Variants in CTIF observed in about 807,000 individuals in gnomAD.
CTIF encodes CBP80/20-dependent translation initiation factor.
Under a neutral mutation model 66.0 loss-of-function variants are expected in CTIF, and 21 were observed. The observed-to-expected ratio is 0.32, with a 90% CI of 0.23 to 0.46. The LOEUF is 0.46. Among genes scored for constraint, CTIF ranks in the 20% least tolerant of loss-of-function variants. The probability of loss-of-function intolerance (pLI) is 1.00; values close to 1 mark genes in which losing one functional copy is unlikely to be tolerated. For synonymous variants in CTIF, 345 were observed against 326.4 expected (o/e 1.06, Z -0.62); for missense variants, 739 against 812.7 (o/e 0.91, Z 1.10).
chr18:48,587,681 A>C (rs1215079803), intron 1 of CTIF, among the ~76,000 whole-genome samples: 1 of 152,210 alleles, frequency 6.6e-6, no homozygotes, highest in Admixed American at 6.5e-5. Context: ...GTAAACTTCC[A>C]GGTCATTCTC....
chr18:48,660,270 G>A (rs981714994), intron 3 of CTIF, among the ~76,000 whole-genome samples: 1 of 151,254 alleles, frequency 6.6e-6, no homozygotes, highest in Non-Finnish European at 1.5e-5. Context: ...TGTTGGTTGC[G>A]TGACTGCCAT....
At chr18:48,562,157 A>G (rs1385357556) in intron 1 of CTIF, among the ~76,000 whole-genome samples, 1 of 152,266 alleles carries the variant, frequency 6.6e-6, no homozygotes, top group African/African-American at 2.4e-5. Flanking sequence ...AATAAAAGCA[A>G]TTCTCACAGC....
chr18:48,711,712 C>A lies in CTIF; in HGVS notation c.584+17C>A. On this transcript the variant is annotated intron_variant, in intron 7 of 11. Coordinates refer to ENST00000256413, the MANE Select transcript of CTIF (RefSeq NM_014772.3). ...TGATCGAAGGTAGGAGAGACTTCGT[C>A]GTGAGCTTTGGGTTTTCCTTTCCTG... The A allele has an allele frequency of 6.2e-7, 1 of 1,608,868 alleles. No individual in the cohort carries two copies. The highest frequency in any genetic ancestry group is 1.1e-5 in the South Asian group (1 of 90,926).
intron 3 of CTIF, among the ~76,000 whole-genome samples, chr18:48,654,804 A>G (rs894873941): frequency 4.6e-5 from 7 of 152,204 alleles, no homozygotes; most frequent in African/African-American, 1.7e-4. Context: ...ATAAAAAAGG[A>G]TGAGTTCATG....
At position 48,677,076 on chromosome 18, in the gene CTIF, GAGA is replaced by G. The variant is rs542673844; in HGVS notation, c.507+6335_507+6337del. ...TAGCCGGGTTCCCAGACCTCCAGAT[GAGA>G]AGGAGTAACTTTATTGTTCCCTAGG... On this transcript the variant is annotated intron_variant, in intron 6 of 11. Transcript: ENST00000256413. Among the ~76,000 whole-genome samples the G allele has an allele frequency of 6.6e-5, 10 of 152,296 alleles. No homozygotes were observed. In the East Asian group the frequency reaches 1.9e-3, roughly 29 times the overall value.
chr18:48,730,125 G>C (rs1310225497), intron 7 of CTIF, among the ~76,000 whole-genome samples: 1 of 152,212 alleles, frequency 6.6e-6, no homozygotes, highest in African/African-American at 2.4e-5. Flanking sequence ...CAGTTCTGCA[G>C]TCATATTGGC....
At chr18:48,556,666 G>A (rs1174629897) in intron 1 of CTIF, among the ~76,000 whole-genome samples, 1 of 152,182 alleles carries the variant, frequency 6.6e-6, no homozygotes, top group African/African-American at 2.4e-5. Context: ...CCAGGTTCAA[G>A]CGATTCTTGT....
chr18:48,663,867 C>T (rs770998796), intron 4 of CTIF, 42 bp downstream of exon 4: 25 of 1,573,300 alleles, frequency 1.6e-5, no homozygotes, highest in Non-Finnish European at 2.1e-5. Flanking sequence ...TGAGGTCCAG[C>T]CGGGGAAACT....
At chr18:48,743,182 C>T (rs914248520) in intron 7 of CTIF, among the ~76,000 whole-genome samples, 53 of 152,300 alleles carry the variant, frequency 3.5e-4, no homozygotes, top group African/African-American at 1.2e-3. Flanking sequence ...TCAGAGTTCT[C>T]GTGTGGCAGC....
chr18:48,768,222 G>GGGA (rs1909758967), intron 9 of CTIF, among the ~76,000 whole-genome samples: 1 of 152,172 alleles, frequency 6.6e-6, no homozygotes, highest in South Asian at 2.1e-4. Context: ...TACATAGGAA[G>GGGA]GGAGGAGGGA....
chr18:48,802,199 C>T (rs1241158009), intron 9 of CTIF, among the ~76,000 whole-genome samples: 1 of 152,210 alleles, frequency 6.6e-6, no homozygotes, highest in African/African-American at 2.4e-5. Context: ...TTGCGGTTGG[C>T]CTGCTCCTCA....
intron 9 of CTIF, 151 bp from the exon 10 acceptor site, chr18:48,817,070 T>C: frequency 1.4e-6 from 1 of 714,232 alleles, no homozygotes; most frequent in Non-Finnish European, 2.3e-6. Flanking sequence ...CCACAGAGAG[T>C]GCAATCACGC....
At chr18:48,608,995 G>A (rs2090257888) in intron 1 of CTIF, among the ~76,000 whole-genome samples, 1 of 152,218 alleles carries the variant, frequency 6.6e-6, no homozygotes, top group African/African-American at 2.4e-5. Context: ...GGGCACTATT[G>A]GTTTCCCTTC....
At chr18:48,640,651 G>A (rs299722) in intron 3 of CTIF, among the ~76,000 whole-genome samples, 43,140 of 152,140 alleles carry the variant, frequency 0.28, 7,557 homozygotes, top group African/African-American at 0.49. Flanking sequence ...TGTCCAGGAA[G>A]GTAGAGTTGG....
At position 48,746,683 on chromosome 18, in the gene CTIF, T is replaced by C. The variant is rs150348179; in HGVS notation, c.585-11236T>C. On this transcript the variant is annotated intron_variant, in intron 7 of 11. Coordinates refer to ENST00000256413, the MANE Select transcript of CTIF (RefSeq NM_014772.3). ...GGAGAGGCCTCAGTGTGGCATGGTC[T>C]CTTCATCCAGAAACAGAGACTTTGA... Among the ~76,000 whole-genome samples, 537 of 151,944 alleles carry C rather than the reference T, an allele frequency of 3.5e-3. 1 individual carries two copies. The highest frequency in any genetic ancestry group is 5.7e-3 in the Non-Finnish European group (386 of 67,938).
At chr18:48,708,918 C>T (rs1168516802) in intron 6 of CTIF, among the ~76,000 whole-genome samples, 3 of 152,138 alleles carry the variant, frequency 2.0e-5, no homozygotes, top group Non-Finnish European at 2.9e-5. Flanking sequence ...GCCTGTGCTG[C>T]CTTGTTTGTC....
intron 9 of CTIF, among the ~76,000 whole-genome samples, chr18:48,814,176 TG>T (rs1216831089): frequency 6.6e-6 from 1 of 152,198 alleles, no homozygotes; most frequent in Non-Finnish European, 1.5e-5. Context: ...TGTGCCTTCA[TG>T]GGTATTTTTA....
intron 5 of CTIF, among the ~76,000 whole-genome samples, chr18:48,667,642 T>C (rs1056309672): frequency 6.6e-6 from 1 of 152,244 alleles, no homozygotes; most frequent in African/African-American, 2.4e-5. Context: ...ATTCCCCTTA[T>C]GCCGAGGGAC....
chr18:48,825,323 AG>A (rs2068561934), intron 10 of CTIF, among the ~76,000 whole-genome samples: 1 of 152,048 alleles, frequency 6.6e-6, no homozygotes, highest in South Asian at 2.1e-4. Flanking sequence ...GGTGTCTCTG[AG>A]GGGTGCCCCC....
Sources: allele counts gnomAD v4.1 joint callset (sites outside exome capture counted in the v4.1 genomes callset), GRCh38; gene constraint gnomAD v4.1.1; transcripts MANE v1.5; gene names NCBI Gene and HGNC (gene_info 2026-07-23, HGNC 2026-07-21).